Variants in LINC00632 observed in about 807,000 individuals in gnomAD.
The protein encoded by LINC00632 is ALDOA related specific transcript.
At chrX:140,757,819 G>A (rs1041213097) in intron 3 of LINC00632, among the ~76,000 whole-genome samples, 2 of 111,243 alleles carry the variant, frequency 1.8e-5, no homozygotes, top group Non-Finnish European at 3.8e-5. Context: ...CACCCATCTC[G>A]GCCTCCCAAA....
chrX:140,724,514 T>TAC (rs372250063), intron 2 of LINC00632, among the ~76,000 whole-genome samples: 7,972 of 65,752 alleles, frequency 0.12, 230 homozygotes, highest in African/African-American at 0.3. Context: ...ACACATTCCA[T>TAC]ACACACACAT....
intron 2 of LINC00632, among the ~76,000 whole-genome samples, chrX:140,725,038 CACACAG>C (rs1930914400): frequency 1.0e-5 from 1 of 95,484 alleles, no homozygotes; most frequent in Admixed American, 1.2e-4. Flanking sequence ...TCCATACACA[CACACAG>C]AATCATTCCA....
intron 2 of LINC00632, among the ~76,000 whole-genome samples, chrX:140,723,213 C>T (rs1409797005): frequency 1.2e-5 from 1 of 82,227 alleles, no homozygotes; most frequent in Non-Finnish European, 2.5e-5. Flanking sequence ...ACAACAAGAT[C>T]CCTGCTGGTT....
intron 2 of LINC00632, among the ~76,000 whole-genome samples, chrX:140,731,235 A>G (rs745916237): frequency 2.7e-5 from 3 of 111,955 alleles, no homozygotes; most frequent in Non-Finnish European, 5.6e-5. Context: ...ACCTATTTGT[A>G]AACATGGATG....
intron 3 of LINC00632, among the ~76,000 whole-genome samples, chrX:140,761,166 A>C (rs780843111): frequency 8.9e-6 from 1 of 112,640 alleles, no homozygotes; most frequent in African/African-American, 3.2e-5. Flanking sequence ...ACTCAAGTAC[A>C]GCTGCATTTA....
At chrX:140,760,395 T>C (rs1045151813) in intron 3 of LINC00632, among the ~76,000 whole-genome samples, 1 of 111,639 alleles carries the variant, frequency 9.0e-6, no homozygotes, top group Non-Finnish European at 1.9e-5. Flanking sequence ...ATTTACCAAA[T>C]AGATCAGATT....
intron 3 of LINC00632, among the ~76,000 whole-genome samples, chrX:140,735,557 A>T (rs1298633581): frequency 9.1e-6 from 1 of 109,894 alleles, no homozygotes; most frequent in East Asian, 2.8e-4. Flanking sequence ...ATAAAATGGT[A>T]TTTATTTATT....
chrX:140,713,601 C>A (rs1336713704), intron 2 of LINC00632: 1 of 342,871 alleles, frequency 2.9e-6, no homozygotes, highest in Admixed American at 3.1e-5. Flanking sequence ...CCAGATAACA[C>A]AAACACATTT....
At chrX:140,763,709 T>C (rs1158055687) in intron 3 of LINC00632, among the ~76,000 whole-genome samples, 1 of 111,652 alleles carries the variant, frequency 9.0e-6, no homozygotes, top group African/African-American at 3.3e-5. Flanking sequence ...GCCTGGTTGT[T>C]TTCCGTGCAC....
At chrX:140,741,326 A>G (rs916093819) in intron 3 of LINC00632, among the ~76,000 whole-genome samples, 2 of 112,311 alleles carry the variant, frequency 1.8e-5, no homozygotes, top group African/African-American at 6.5e-5. Context: ...CCATGAATAC[A>G]GAGTAAATAT....
intron 3 of LINC00632, among the ~76,000 whole-genome samples, chrX:140,752,040 C>T (rs946641468): frequency 9.0e-6 from 1 of 111,328 alleles, no homozygotes; most frequent in African/African-American, 3.3e-5. Flanking sequence ...AGTAGCTCCC[C>T]CTAGCTCTGG....
chrX:140,729,218 C>G (rs764476185), intron 2 of LINC00632, among the ~76,000 whole-genome samples: 3 of 110,682 alleles, frequency 2.7e-5, no homozygotes, highest in Non-Finnish European at 5.7e-5. Flanking sequence ...TCTAACCACC[C>G]ACATTCTCTT....
At chrX:140,723,590 C>A in intron 2 of LINC00632, among the ~76,000 whole-genome samples, 1 of 82,330 alleles carries the variant, frequency 1.2e-5, no homozygotes, top group South Asian at 5.6e-4. Flanking sequence ...ACACACATTC[C>A]ATACACAGAC....
chrX:140,735,213 A>G (rs992755185), intron 3 of LINC00632, among the ~76,000 whole-genome samples: 4 of 111,886 alleles, frequency 3.6e-5, no homozygotes, highest in African/African-American at 1.3e-4. Flanking sequence ...TTTTGTTCCC[A>G]TAAATAATCA....
intron 3 of LINC00632, among the ~76,000 whole-genome samples, chrX:140,738,207 A>G (rs1198622058): frequency 9.0e-6 from 1 of 111,731 alleles, no homozygotes; most frequent in Non-Finnish European, 1.9e-5. Context: ...GTGGGAAAAA[A>G]TGGTGTTCTT....
At chrX:140,734,343 G>A in intron 3 of LINC00632, among the ~76,000 whole-genome samples, 1 of 110,716 alleles carries the variant, frequency 9.0e-6, no homozygotes, top group Admixed American at 9.7e-5. Context: ...TGAATACTCC[G>A]ACTTTTAAAT....
intron 3 of LINC00632, among the ~76,000 whole-genome samples, chrX:140,758,964 CTT>C (rs146312064): frequency 0.39 from 30,254 of 78,383 alleles, 5,287 homozygotes; most frequent in East Asian, 0.65. Context: ...CTTTTCTTTT[CTT>C]TTTTTTTTTT....
chrX:140,750,800 A>G (rs945439043), intron 3 of LINC00632, among the ~76,000 whole-genome samples: 13 of 110,760 alleles, frequency 1.2e-4, no homozygotes, highest in Non-Finnish European at 2.3e-4. Context: ...TGAGTCTCCA[A>G]AGTCCATTAT....
At chrX:140,717,886 C>T (rs962232228) in intron 2 of LINC00632, among the ~76,000 whole-genome samples, 1 of 111,294 alleles carries the variant, frequency 9.0e-6, no homozygotes, top group African/African-American at 3.3e-5. Context: ...CCTGTAATTC[C>T]AGCACTTTGG....
Sources: gnomAD v4.1 joint callset for allele counts (sites outside exome capture counted in the v4.1 genomes callset) on GRCh38, gnomAD v4.1.1 for gene constraint, MANE v1.5 for transcripts, NCBI Gene and HGNC (gene_info 2026-07-23, HGNC 2026-07-21) for gene names.